Variants in SYN3 observed in about 807,000 individuals in gnomAD.
The protein encoded by SYN3 is synapsin III, also known as synapsin-3.
A neutral mutation model predicts 65.8 loss-of-function variants in SYN3; 35 were observed. The observed-to-expected ratio is 0.53, with a 90% CI of 0.41 to 0.70. The LOEUF (loss-of-function observed/expected upper bound fraction) is 0.70, where lower values mean the gene tolerates loss of function less well. SYN3 is among the 30% of genes least tolerant of loss of function. The pLI is 0.00. For synonymous variants in SYN3, 270 were observed against 292.9 expected (o/e 0.92, Z 0.80); for missense variants, 680 against 749.0 (o/e 0.91, Z 1.08).
At chr22:32,579,990 G>A (rs2146483642) in intron 7 of SYN3, among the ~76,000 whole-genome samples, 1 of 152,380 alleles carries the variant, frequency 6.6e-6, no homozygotes, top group East Asian at 1.9e-4. Flanking sequence ...TGTCAGCCTT[G>A]AAAGGCAACA....
chr22:32,660,507 T>A (rs2060202463), intron 6 of SYN3, among the ~76,000 whole-genome samples: 1 of 152,092 alleles, frequency 6.6e-6, no homozygotes, highest in African/African-American at 2.4e-5. Context: ...GACCACTTCC[T>A]CTCTAATCCA....
chr22:32,956,041 C>CAT (rs5845054), intron 3 of SYN3, among the ~76,000 whole-genome samples: 4,871 of 130,584 alleles, frequency 0.037, 225 homozygotes, highest in South Asian at 0.12. Context: ...AATAAATTCA[C>CAT]ATATATATAT....
intron 7 of SYN3, among the ~76,000 whole-genome samples, chr22:32,573,760 AG>A (rs914705137): frequency 4.4e-5 from 6 of 137,754 alleles, no homozygotes; most frequent in Non-Finnish European, 6.2e-5. Flanking sequence ...AGGGGAAGGA[AG>A]GGGTTTTTTT....
chr22:32,894,320 T>G (rs2049531826), intron 4 of SYN3, among the ~76,000 whole-genome samples: 1 of 152,252 alleles, frequency 6.6e-6, no homozygotes, highest in Non-Finnish European at 1.5e-5. Flanking sequence ...CTACTGATTC[T>G]GTGACTTTGC....
chr22:32,871,166 A>G (rs936133176), intron 4 of SYN3, among the ~76,000 whole-genome samples: 1 of 151,958 alleles, frequency 6.6e-6, no homozygotes, highest in Admixed American at 6.6e-5. Context: ...CCAGCCTCCT[A>G]TTTTTTTTCC....
At chr22:33,007,129 A>G (rs542493029) in intron 1 of SYN3, among the ~76,000 whole-genome samples, 2 of 152,250 alleles carry the variant, frequency 1.3e-5, no homozygotes, top group Non-Finnish European at 2.9e-5. Flanking sequence ...AGTTTAACAA[A>G]TAAGTCAACT....
At chr22:32,867,995 T>C (rs1360261911) in intron 5 of SYN3, among the ~76,000 whole-genome samples, 2 of 152,150 alleles carry the variant, frequency 1.3e-5, no homozygotes, top group Non-Finnish European at 2.9e-5. Flanking sequence ...ATGTTGGGTG[T>C]TGGAGAGAGA....
At chr22:32,884,655 C>A (rs1252096533) in intron 4 of SYN3, among the ~76,000 whole-genome samples, 1 of 152,142 alleles carries the variant, frequency 6.6e-6, no homozygotes, top group African/African-American at 2.4e-5. Flanking sequence ...CCAAGGCGGG[C>A]GGATCACGAG....
At chr22:32,645,619 C>T (rs1030020025) in intron 6 of SYN3, among the ~76,000 whole-genome samples, 2 of 152,142 alleles carry the variant, frequency 1.3e-5, no homozygotes, top group Admixed American at 6.5e-5. Flanking sequence ...ATTGTTTCCA[C>T]CTGGTATGTC....
At chr22:32,980,788 G>A in intron 2 of SYN3, 86 bp from the exon 3 acceptor site, 1 of 1,188,790 alleles carries the variant, frequency 8.4e-7, no homozygotes, top group Non-Finnish European at 1.2e-6. Flanking sequence ...CCCCAGAGGT[G>A]CATATTGAGA....
chr22:32,512,735 A>G lies in SYN3; in HGVS notation c.*957T>C, dbSNP rs1362956528. On this transcript the variant is annotated 3_prime_UTR_variant, in exon 14 of 14. Coordinates refer to ENST00000358763, the MANE Select transcript of SYN3 (RefSeq NM_003490.4). ...TGCTGTACAGAGTTTGTGAAATGCCAAACTAGAAGTGACTATCATTGCACT... is the reference window on the plus strand; with the variant it reads ...TGCTGTACAGAGTTTGTGAAATGCCGAACTAGAAGTGACTATCATTGCACT... The G allele has an allele frequency of 6.6e-6, 1 of 152,224 alleles. No homozygotes were observed. Among genetic ancestry groups the G allele is most frequent in the Non-Finnish European group, 1.5e-5 (1 of 68,032 alleles). The allele number at this position is 152,224 out of a possible 1,614,324, so 9.4% of individuals were successfully genotyped here. A position where few individuals can be genotyped will look rare whatever the true frequency, so the allele number is the denominator to read the frequency against.
chr22:32,687,320 G>A (rs1467438385), intron 6 of SYN3, among the ~76,000 whole-genome samples: 1 of 151,784 alleles, frequency 6.6e-6, no homozygotes, highest in Non-Finnish European at 1.5e-5. Flanking sequence ...TCACCACCAC[G>A]CCCGGCTAAT....
At chr22:32,563,528 AGCCTGGCAT>A (rs2058616067) in intron 7 of SYN3, among the ~76,000 whole-genome samples, 1 of 152,202 alleles carries the variant, frequency 6.6e-6, no homozygotes, top group South Asian at 2.1e-4. Context: ...AACATGGAAC[AGCCTGGCAT>A]GTTCCGGGAT....
At chr22:32,603,099 C>T (rs2035738530) in intron 6 of SYN3, among the ~76,000 whole-genome samples, 1 of 151,960 alleles carries the variant, frequency 6.6e-6, no homozygotes, top group African/African-American at 2.4e-5. Context: ...GTGAATCAGC[C>T]ACCATATTAC....
At chr22:33,021,397 T>C (rs1737685423) in intron 1 of SYN3, among the ~76,000 whole-genome samples, 1 of 152,236 alleles carries the variant, frequency 6.6e-6, no homozygotes, top group South Asian at 2.1e-4. Context: ...TACCAAGATA[T>C]GGAAGAGTTC....
At chr22:32,763,943 C>CTTTTTT (rs2045556206) in intron 6 of SYN3, among the ~76,000 whole-genome samples, 2 of 112,666 alleles carry the variant, frequency 1.8e-5, no homozygotes. Flanking sequence ...GCCCCCCCCC[C>CTTTTTT]CTTTTTTTTT....
Position 32,991,814 on chromosome 22 carries a change from T to G in SYN3, c.312-11112A>C, listed in dbSNP as rs190283067. Among the ~76,000 whole-genome samples, 8 of 152,216 alleles carry G rather than the reference T, an allele frequency of 5.3e-5. No homozygotes were observed. In the South Asian group the frequency reaches 6.2e-4, roughly 12 times the overall value. ...CCTTCTGCAAACCCAGGGCAGAAAG[T>G]CAGGAAAATGGAAATGAAGCACCAT... is the stretch of plus-strand genomic sequence containing the variant. On this transcript the variant is annotated intron_variant, in intron 2 of 13. Coordinates refer to ENST00000358763, the MANE Select transcript of SYN3 (RefSeq NM_003490.4).
chr22:32,832,416 A>G (rs950298358), intron 6 of SYN3, among the ~76,000 whole-genome samples: 3 of 152,188 alleles, frequency 2.0e-5, no homozygotes, highest in South Asian at 2.1e-4. Flanking sequence ...CAAGGGCTCC[A>G]GGAGGAAATG....
chr22:32,570,057 C>T (rs972638882), intron 7 of SYN3, among the ~76,000 whole-genome samples: 1 of 152,200 alleles, frequency 6.6e-6, no homozygotes, highest in South Asian at 2.1e-4. Flanking sequence ...TTAGTACGGG[C>T]CATGCTGAGG....
Sources: gnomAD v4.1 joint callset for allele counts (sites outside exome capture counted in the v4.1 genomes callset) on GRCh38, gnomAD v4.1.1 for gene constraint, MANE v1.5 for transcripts, NCBI Gene and HGNC (gene_info 2026-07-23, HGNC 2026-07-21) for gene names.